Variants in CAMK2D observed in about 807,000 individuals in gnomAD.
The protein encoded by CAMK2D is calcium/calmodulin dependent protein kinase II delta, also known as calcium/calmodulin-dependent protein kinase type II subunit delta.
A neutral mutation model predicts 84.0 loss-of-function variants in CAMK2D; 37 were observed. That is an observed-to-expected ratio of 0.44 (90% CI 0.34 to 0.58). The LOEUF (loss-of-function observed/expected upper bound fraction) is 0.58. Ranked by LOEUF, CAMK2D falls within the 20% of genes least tolerant of loss-of-function variation. The pLI is 0.02. For missense variants in CAMK2D, 448 were observed against 652.5 expected (o/e 0.69, Z 3.41); for synonymous variants, 202 against 212.5 (o/e 0.95, Z 0.43).
At chr4:113,759,297 T>C (rs201475557) in intron 2 of CAMK2D, 23 bp downstream of exon 2, 15 of 1,433,542 alleles carry the variant, frequency 1.0e-5, no homozygotes, top group Non-Finnish European at 1.4e-5. Flanking sequence ...AATTAACCAA[T>C]ATATGTGGTT....
At chr4:113,461,498 A>G (rs1054768670) in intron 17 of CAMK2D, among the ~76,000 whole-genome samples, 7 of 152,094 alleles carry the variant, frequency 4.6e-5, no homozygotes, top group Non-Finnish European at 1.0e-4. Context: ...AATGCAGAGT[A>G]TGCTTGGGGA....
intron 8 of CAMK2D, among the ~76,000 whole-genome samples, chr4:113,526,104 G>T (rs1220761173): frequency 6.6e-6 from 1 of 152,122 alleles, no homozygotes; most frequent in Non-Finnish European, 1.5e-5. Context: ...TGTAACAAAA[G>T]AATACATTAT....
intron 16 of CAMK2D, among the ~76,000 whole-genome samples, chr4:113,494,677 G>A (rs1380333466): frequency 2.6e-5 from 4 of 152,238 alleles, no homozygotes. Flanking sequence ...CCCAGTTCGA[G>A]CTTCCCGGCT....
intron 4 of CAMK2D, among the ~76,000 whole-genome samples, chr4:113,566,124 G>A (rs865963849): frequency 1.3e-5 from 2 of 152,094 alleles, no homozygotes; most frequent in African/African-American, 4.8e-5. Context: ...GAGAAGAAAC[G>A]TCTCTCCCTT....
At chr4:113,742,449 T>C (rs1370722475) in intron 2 of CAMK2D, among the ~76,000 whole-genome samples, 2 of 151,862 alleles carry the variant, frequency 1.3e-5, no homozygotes, top group Non-Finnish European at 2.9e-5. Context: ...TCAATAATAA[T>C]AGCAATGGGA....
chr4:113,620,477 C>T (rs1015685521), intron 3 of CAMK2D, among the ~76,000 whole-genome samples: 7 of 151,494 alleles, frequency 4.6e-5, no homozygotes, highest in Admixed American at 4.6e-4. Context: ...GCTTAAGATT[C>T]AAACTTGGTA....
intron 2 of CAMK2D, among the ~76,000 whole-genome samples, chr4:113,752,050 G>T (rs2099618547): frequency 6.6e-6 from 1 of 151,594 alleles, no homozygotes; most frequent in Admixed American, 6.6e-5. Context: ...AAACCCCAGG[G>T]TATGAAGAAA....
At chr4:113,676,282 G>A (rs2154330704) in intron 2 of CAMK2D, among the ~76,000 whole-genome samples, 1 of 152,218 alleles carries the variant, frequency 6.6e-6, no homozygotes, top group South Asian at 2.1e-4. Flanking sequence ...ATTTCCACTC[G>A]ATTTCAGTCA....
At chr4:113,739,433 G>A (rs1157135023) in intron 2 of CAMK2D, among the ~76,000 whole-genome samples, 1 of 152,052 alleles carries the variant, frequency 6.6e-6, no homozygotes, top group Non-Finnish European at 1.5e-5. Flanking sequence ...TGCAAAAACA[G>A]GCACTTGCCA....
intron 2 of CAMK2D, among the ~76,000 whole-genome samples, chr4:113,692,418 T>C (rs1422827391): frequency 6.6e-6 from 1 of 152,148 alleles, no homozygotes; most frequent in Non-Finnish European, 1.5e-5. Flanking sequence ...TAAATATTCA[T>C]ACAAAACATA....
intron 4 of CAMK2D, among the ~76,000 whole-genome samples, chr4:113,579,273 T>C (rs2098797616): frequency 6.6e-6 from 1 of 152,244 alleles, no homozygotes; most frequent in African/African-American, 2.4e-5. Flanking sequence ...TCCTTCTCTC[T>C]GGAATTACAA....
chr4:113,466,873 G>A (rs1161322911), intron 16 of CAMK2D, among the ~76,000 whole-genome samples: 1 of 152,048 alleles, frequency 6.6e-6, no homozygotes, highest in East Asian at 1.9e-4. Flanking sequence ...ATTATTACTT[G>A]TTTTAAATTG....
chr4:113,678,827 A>G (rs1487554430), intron 2 of CAMK2D, among the ~76,000 whole-genome samples: 1 of 151,682 alleles, frequency 6.6e-6, no homozygotes, highest in Non-Finnish European at 1.5e-5. Context: ...TAAAATACAA[A>G]GACAGAAAAC....
chr4:113,685,995 C>T (rs1263839270), intron 2 of CAMK2D, among the ~76,000 whole-genome samples: 1 of 151,022 alleles, frequency 6.6e-6, no homozygotes, highest in Non-Finnish European at 1.5e-5. Context: ...ACCTGGGAGG[C>T]GGAGATTGCA....
At chr4:113,611,692 C>G (rs942548854) in intron 3 of CAMK2D, among the ~76,000 whole-genome samples, 1 of 152,138 alleles carries the variant, frequency 6.6e-6, no homozygotes, top group Non-Finnish European at 1.5e-5. Context: ...TACTAAATAT[C>G]ATCATTCAGA....
At chr4:113,622,572 C>T (rs2154278282) in intron 3 of CAMK2D, among the ~76,000 whole-genome samples, 1 of 152,280 alleles carries the variant, frequency 6.6e-6, no homozygotes, top group Middle Eastern at 3.4e-3. Context: ...CGAGACCAGC[C>T]CGGGCCACAA....
chr4:113,463,087 C>T (rs2097410337), intron 17 of CAMK2D, among the ~76,000 whole-genome samples: 1 of 152,154 alleles, frequency 6.6e-6, no homozygotes, highest in East Asian at 1.9e-4. Flanking sequence ...TGGATACACT[C>T]ATACATAAGT....
intron 2 of CAMK2D, among the ~76,000 whole-genome samples, chr4:113,717,711 G>A (rs1390863284): frequency 6.6e-6 from 1 of 152,068 alleles, no homozygotes; most frequent in Non-Finnish European, 1.5e-5. Context: ...TTACTGGAGA[G>A]AGAATTGTTC....
rs572102058 is a variant in CAMK2D, at chr4:113,512,605, G to A, written c.946+723C>T. On this transcript the variant is annotated intron_variant, in intron 12 of 20. Coordinates refer to ENST00000511664, the MANE Select transcript of CAMK2D (RefSeq NM_001321571.2). ...TTTTTGTTTTTTGAGACGGAGTCTC[G>A]CTCTGTCGCCAGGCTGGAGTGCAGT... Among the ~76,000 whole-genome samples the A allele has an allele frequency of 1.2e-4, 18 of 152,074 alleles. 1 individual carries two copies. In the South Asian group the frequency reaches 3.5e-3, roughly 30 times the overall value.
Sources: allele counts gnomAD v4.1 joint callset (sites outside exome capture counted in the v4.1 genomes callset), GRCh38; gene constraint gnomAD v4.1.1; transcripts MANE v1.5; gene names NCBI Gene and HGNC (gene_info 2026-07-23, HGNC 2026-07-21).